GABRG3: variants seen among roughly 807,000 people sequenced by gnomAD.
The protein encoded by GABRG3 is gamma-aminobutyric acid type A receptor subunit gamma3, also known as gamma-aminobutyric acid receptor subunit gamma-3.
In GABRG3, 25 loss-of-function variants were observed where a neutral mutation model predicts 48.8. The observed-to-expected ratio is 0.51, with a 90% confidence interval of 0.37 to 0.72. The LOEUF is 0.72. Ranked by LOEUF, GABRG3 falls within the 30% of genes least tolerant of loss-of-function variation. The pLI is 0.00. For missense variants in GABRG3, 394 were observed against 577.9 expected (o/e 0.68, Z 3.26); for synonymous variants, 227 against 217.6 (o/e 1.04, Z -0.38).
At chr15:27,456,492 C>T (rs750971897) in intron 5 of GABRG3, among the ~76,000 whole-genome samples, 14 of 152,296 alleles carry the variant, frequency 9.2e-5, no homozygotes, top group Admixed American at 4.6e-4. Flanking sequence ...GAAGGACCCG[C>T]AGAGGGACTG....
chr15:27,501,482 T>A (rs1257955872), intron 6 of GABRG3, among the ~76,000 whole-genome samples: 1 of 152,106 alleles, frequency 6.6e-6, no homozygotes, highest in Non-Finnish European at 1.5e-5. Context: ...ACCTCAGAGA[T>A]GTTTTAAGCC....
At chr15:27,304,444 G>T (rs1318223302) in intron 3 of GABRG3, among the ~76,000 whole-genome samples, 3 of 151,806 alleles carry the variant, frequency 2.0e-5, no homozygotes, top group Non-Finnish European at 2.9e-5. Context: ...AGTTGTGAAG[G>T]TCATAAGTTC....
rs181582874 is a variant in GABRG3 at position 27,505,937 on chromosome 15, G to T, written c.713-14035G>T. Among the ~76,000 whole-genome samples, 19 of 152,204 alleles carry T rather than the reference G, an allele frequency of 1.2e-4. No individual in the cohort carries two copies. In the East Asian group the frequency reaches 3.5e-3, roughly 28 times the overall value. Reference sequence around the variant, plus strand: ...TTAAAATGTAACTTAATAGATATAGGTTTATTCAGGTTATTTATTTCTTCT... The same window carrying T: ...TTAAAATGTAACTTAATAGATATAGTTTTATTCAGGTTATTTATTTCTTCT... On this transcript the variant is annotated intron_variant, in intron 6 of 9. Coordinates refer to ENST00000615808, the MANE Select transcript of GABRG3 (RefSeq NM_033223.5).
At chr15:26,978,104 A>ATTTT (rs903299655) in intron 2 of GABRG3, among the ~76,000 whole-genome samples, 1 of 151,834 alleles carries the variant, frequency 6.6e-6, no homozygotes, top group Non-Finnish European at 1.5e-5. Flanking sequence ...CTCTTCTTTT[A>ATTTT]TTTTATTTAT....
At chr15:27,343,593 A>C (rs978811367) in intron 5 of GABRG3, among the ~76,000 whole-genome samples, 4 of 152,282 alleles carry the variant, frequency 2.6e-5, no homozygotes, top group Middle Eastern at 6.8e-3. Flanking sequence ...TGGCTGTCTA[A>C]GCTAAATCAT....
intron 3 of GABRG3, among the ~76,000 whole-genome samples, chr15:27,064,077 G>T (rs1012516408): frequency 1.3e-5 from 2 of 152,160 alleles, no homozygotes; most frequent in Non-Finnish European, 1.5e-5. Flanking sequence ...AGATGCAAAT[G>T]ATCCCTTGAG....
At chr15:27,183,455 G>T (rs2140418085) in intron 3 of GABRG3, among the ~76,000 whole-genome samples, 1 of 152,318 alleles carries the variant, frequency 6.6e-6, no homozygotes, top group Non-Finnish European at 1.5e-5. Flanking sequence ...CGTGGATCCA[G>T]ACTCCATGAT....
rs2140638668 is a variant in GABRG3, at chr15:27,447,843, G to T, written c.575-32807G>T. Among the ~76,000 whole-genome samples, 1 of 152,052 alleles carries T rather than the reference G, an allele frequency of 6.6e-6. No individual in the cohort carries two copies. The highest frequency in any genetic ancestry group is 2.4e-5 in the African/African-American group (1 of 41,372). On this transcript the variant is annotated intron_variant, in intron 5 of 9. Coordinates refer to ENST00000615808, the MANE Select transcript of GABRG3 (RefSeq NM_033223.5). The surrounding 1 kb of genome is among the most constrained non-coding windows in gnomAD (Gnocchi z 4.0). ...AGGGAGGGGAACATCACACACCAGG[G>T]CCTGTCAGGGGTAAGGGGGCTGGGG...
intron 5 of GABRG3, among the ~76,000 whole-genome samples, chr15:27,423,820 G>T (rs1888208133): frequency 7.1e-6 from 1 of 141,650 alleles, no homozygotes; most frequent in South Asian, 2.2e-4. Flanking sequence ...CTCCCACCTG[G>T]TCCCCCAAAG....
chr15:27,356,103 A>AAT (rs989807086), intron 5 of GABRG3, among the ~76,000 whole-genome samples: 61 of 152,216 alleles, frequency 4.0e-4, no homozygotes, highest in African/African-American at 1.4e-3. Flanking sequence ...ATTACAGCTC[A>AAT]ATAAAGCTGC....
chr15:27,106,582 C>T (rs568630313), intron 3 of GABRG3, among the ~76,000 whole-genome samples: 9 of 151,796 alleles, frequency 5.9e-5, no homozygotes, highest in African/African-American at 2.2e-4. Flanking sequence ...TACTAAAGAG[C>T]AGAAACTAAT....
At chr15:27,446,612 TAATC>T (rs1389142735) in intron 5 of GABRG3, among the ~76,000 whole-genome samples, 6 of 152,238 alleles carry the variant, frequency 3.9e-5, no homozygotes, top group Admixed American at 1.3e-4. Context: ...TTTGTTTAAT[TAATC>T]TTATGTATTT....
At chr15:27,132,712 T>C (rs2140384053) in intron 3 of GABRG3, among the ~76,000 whole-genome samples, 1 of 151,646 alleles carries the variant, frequency 6.6e-6, no homozygotes, top group East Asian at 1.9e-4. Flanking sequence ...TATTAGTCAG[T>C]ATAGGTAAAA....
intron 3 of GABRG3, among the ~76,000 whole-genome samples, chr15:27,250,760 A>G (rs1890428718): frequency 6.6e-6 from 1 of 152,178 alleles, no homozygotes; most frequent in Admixed American, 6.5e-5. Flanking sequence ...TGCCCGTGAC[A>G]AGAGTTAAAT....
At chr15:27,517,764 C>T (rs1356136567) in intron 6 of GABRG3, among the ~76,000 whole-genome samples, 1 of 152,130 alleles carries the variant, frequency 6.6e-6, no homozygotes. Flanking sequence ...ACACATAATT[C>T]AAATCACATT....
chr15:27,205,748 A>C (rs1888831804), intron 3 of GABRG3, among the ~76,000 whole-genome samples: 1 of 151,626 alleles, frequency 6.6e-6, no homozygotes, highest in South Asian at 2.1e-4. Flanking sequence ...CAATTTTGGA[A>C]CTTGTTATTG....
intron 3 of GABRG3, among the ~76,000 whole-genome samples, chr15:27,160,098 C>G (rs1264317667): frequency 6.6e-6 from 1 of 152,174 alleles, no homozygotes; most frequent in Non-Finnish European, 1.5e-5. Flanking sequence ...CCCTGGTTCC[C>G]CACCAGATCT....
At chr15:27,307,139 T>TATATAA (rs1566770395) in intron 3 of GABRG3, among the ~76,000 whole-genome samples, 5 of 125,196 alleles carry the variant, frequency 4.0e-5, no homozygotes, top group African/African-American at 7.4e-5. Flanking sequence ...AACATGTTTA[T>TATATAA]ACATATATAA....
At chr15:27,295,280 A>G (rs565760397) in intron 3 of GABRG3, 1 of 152,172 alleles carries the variant, frequency 6.6e-6, no homozygotes, top group Non-Finnish European at 1.5e-5. Flanking sequence ...TGGAGTGGGA[A>G]AGTACATGGT....
Sources: allele counts gnomAD v4.1 joint callset (sites outside exome capture counted in the v4.1 genomes callset), GRCh38; gene constraint gnomAD v4.1.1; non-coding constraint Gnocchi (gnomAD v3.1); transcripts MANE v1.5; gene names NCBI Gene and HGNC (gene_info 2026-07-23, HGNC 2026-07-21).